The following HIVEP2 variants were observed in gnomAD, a reference collection of about 807,000 sequenced individuals.
The protein encoded by HIVEP2 is transcription factor HIVEP2.
A neutral mutation model predicts 180.7 loss-of-function variants in HIVEP2; 14 were observed. The ratio of observed to expected loss-of-function variants is 0.08; its 90% CI spans 0.05 to 0.12. The LOEUF (loss-of-function observed/expected upper bound fraction) is 0.12, where lower values mean the gene tolerates loss of function less well. Among genes scored for constraint, HIVEP2 ranks in the 10% least tolerant of loss-of-function variants. The probability of loss-of-function intolerance (pLI) is 1.00; values close to 1 mark genes in which losing one functional copy is unlikely to be tolerated. For missense variants in HIVEP2, 2,579 were observed against 3,008.5 expected (o/e 0.86, Z 3.34); for synonymous variants, 1,184 against 1,136.4 (o/e 1.04, Z -0.84).
At chr6:142,866,540 G>T (rs904933370) in intron 1 of HIVEP2, among the ~76,000 whole-genome samples, 3 of 152,032 alleles carry the variant, frequency 2.0e-5, no homozygotes, top group African/African-American at 7.2e-5. Flanking sequence ...TTTCTCCCAT[G>T]TATGTAGATC....
chr6:142,824,310 G>C (rs1777119738), intron 2 of HIVEP2, among the ~76,000 whole-genome samples: 1 of 152,216 alleles, frequency 6.6e-6, no homozygotes, highest in South Asian at 2.1e-4. Flanking sequence ...CAGGACATTA[G>C]AAATTATTTA....
chr6:142,873,280 A>G (rs994143433), intron 1 of HIVEP2, among the ~76,000 whole-genome samples: 1 of 152,278 alleles, frequency 6.6e-6, no homozygotes. Context: ...TGTGCCCCCA[A>G]TCCAAACAAG....
At chr6:142,906,234 C>G (rs10872555) in intron 1 of HIVEP2, among the ~76,000 whole-genome samples, 46,105 of 152,026 alleles carry the variant, frequency 0.3, 7,662 homozygotes, top group Admixed American at 0.44. Flanking sequence ...TAACCAGAAA[C>G]AGATAATCTA....
chr6:142,801,699 G>C (rs533448202), intron 2 of HIVEP2, among the ~76,000 whole-genome samples: 1 of 152,002 alleles, frequency 6.6e-6, no homozygotes, highest in South Asian at 2.1e-4. Flanking sequence ...CTATCTTCCT[G>C]GGTTACTGTA....
rs1177789492 is a variant in HIVEP2 at position 142,796,405 on chromosome 6, GATGAAC to G, written c.-527-12796_-527-12791del. The stretch of plus-strand genomic sequence containing the variant: ...AGCCTTACCGATAACCTAAGCAGTG[GATGAAC>G]ACATATTTTGTATGTTGTCTGTATT... On this transcript the variant is annotated intron_variant, in intron 2 of 9. Transcript: ENST00000367603. Among the ~76,000 whole-genome samples the G allele has an allele frequency of 2.0e-5, 3 of 152,092 alleles. No homozygotes were observed. In the South Asian group the frequency reaches 6.2e-4, roughly 32 times the overall value.
intron 1 of HIVEP2, among the ~76,000 whole-genome samples, chr6:142,925,854 T>C (rs1225037765): frequency 6.6e-6 from 1 of 152,238 alleles, no homozygotes; most frequent in Non-Finnish European, 1.5e-5. Flanking sequence ...AAGTCCTTTC[T>C]CTGTCAACTC....
intron 2 of HIVEP2, among the ~76,000 whole-genome samples, chr6:142,798,226 G>A (rs919555345): frequency 4.6e-5 from 7 of 151,536 alleles, no homozygotes; most frequent in Non-Finnish European, 8.8e-5. Flanking sequence ...CTGAGATCGC[G>A]CCACTGCACT....
chr6:142,900,918 G>A (rs1036253122), intron 1 of HIVEP2, among the ~76,000 whole-genome samples: 14 of 152,150 alleles, frequency 9.2e-5, no homozygotes, highest in African/African-American at 2.9e-4. Flanking sequence ...TAGGTTCTTC[G>A]TGTTGCCATG....
At chr6:142,895,786 G>A (rs577406173) in intron 1 of HIVEP2, among the ~76,000 whole-genome samples, 1 of 152,202 alleles carries the variant, frequency 6.6e-6, no homozygotes, top group Admixed American at 6.5e-5. Flanking sequence ...AATAGAGAGT[G>A]GATCAAACCA....
Position 142,774,323 on chromosome 6 carries a change from A to C in HIVEP2, c.416T>G (p.Phe139Cys), listed in dbSNP as rs1223694046. The change falls in exon 5 of 10, where the codon TTT becomes TGT. Residue 139 changes from phenylalanine to cysteine, a missense_variant. Phe to Cys is a radical substitution (Grantham distance 205, BLOSUM62 -2). This residue lies in a region of HIVEP2 where 207 missense variants were observed against 210.1 expected (regional missense o/e 0.99). Transcript: ENST00000367603. This position sits in a 1 kb window ranked among gnomAD's most constrained non-coding sequence, Gnocchi z 5.1. ...ACTGTGGCCATGTATAGGAAAAGGA[A>C]ATAAGTCCTCAGAGGCAACGGATGG... The part of the protein sequence containing the change: ...PLPSVASEDL[F>C]PFPIHGHSGG... The C allele has an allele frequency of 1.9e-6, 3 of 1,614,092 alleles. No homozygotes were observed. The African/African-American group carries it at 4.0e-5, about 22-fold the overall frequency.
chr6:142,924,268 G>C (rs746968604), intron 1 of HIVEP2, among the ~76,000 whole-genome samples: 1 of 152,092 alleles, frequency 6.6e-6, no homozygotes, highest in Non-Finnish European at 1.5e-5. Flanking sequence ...TATGACCGAA[G>C]ACTACAAAAT....
chr6:142,928,242 C>T (rs1450252215), intron 1 of HIVEP2, among the ~76,000 whole-genome samples: 1 of 152,070 alleles, frequency 6.6e-6, no homozygotes, highest in East Asian at 1.9e-4. Flanking sequence ...CTAAAACTAC[C>T]CTAAAAATAT....
intron 1 of HIVEP2, among the ~76,000 whole-genome samples, chr6:142,868,746 A>G (rs1776210162): frequency 6.6e-6 from 1 of 152,240 alleles, no homozygotes; most frequent in South Asian, 2.1e-4. Context: ...GAAAGAAAAT[A>G]AGGGGATAAA....
At chr6:142,765,178 T>C (rs1775350402) in intron 6 of HIVEP2, among the ~76,000 whole-genome samples, 1 of 152,184 alleles carries the variant, frequency 6.6e-6, no homozygotes, top group Non-Finnish European at 1.5e-5. Flanking sequence ...GTAAACAAAA[T>C]GTAATGCTCC....
chr6:142,883,068 GACTTC>G (rs981920144), intron 1 of HIVEP2, among the ~76,000 whole-genome samples: 5 of 152,122 alleles, frequency 3.3e-5, no homozygotes, highest in African/African-American at 9.6e-5. Context: ...TGAACAAAAA[GACTTC>G]ACTTCAAGCC....
chr6:142,893,609 C>T (rs1429632969), intron 1 of HIVEP2, among the ~76,000 whole-genome samples: 6 of 152,168 alleles, frequency 3.9e-5, no homozygotes, highest in Non-Finnish European at 7.3e-5. Context: ...TAATTTAGGT[C>T]TGACTTCAAA....
At chr6:142,833,264 G>C (rs932737650) in intron 2 of HIVEP2, among the ~76,000 whole-genome samples, 1 of 152,182 alleles carries the variant, frequency 6.6e-6, no homozygotes, top group Non-Finnish European at 1.5e-5. Context: ...CCTCAAATGA[G>C]ATAATGTACA....
At chr6:142,895,928 C>T (rs1437177551) in intron 1 of HIVEP2, among the ~76,000 whole-genome samples, 1 of 152,066 alleles carries the variant, frequency 6.6e-6, no homozygotes, top group Non-Finnish European at 1.5e-5. Context: ...CCTCAATTAA[C>T]CTTCATTATT....
intron 1 of HIVEP2, among the ~76,000 whole-genome samples, chr6:142,930,744 C>T (rs1777925087): frequency 6.6e-6 from 1 of 152,144 alleles, no homozygotes; most frequent in Admixed American, 6.5e-5. Context: ...TCAATGAAAT[C>T]TAAGTAATAG....
Sources: gnomAD v4.1 joint callset for allele counts (sites outside exome capture counted in the v4.1 genomes callset) on GRCh38, gnomAD v4.1.1 for gene constraint, gnomAD v4.1.1 regional missense constraint, Gnocchi (gnomAD v3.1) non-coding constraint, MANE v1.5 for transcripts, NCBI Gene and HGNC (gene_info 2026-07-23, HGNC 2026-07-21) for gene names.